The following ZNF536 variants were observed in gnomAD, a reference collection of about 807,000 sequenced individuals.
ZNF536 encodes zinc finger protein 536.
ZNF536 carries 13 observed loss-of-function variants against 84.5 expected under a neutral mutation model. That is an observed-to-expected ratio of 0.15 (90% CI 0.10 to 0.24). The LOEUF (loss-of-function observed/expected upper bound fraction) is 0.24. Ranked by LOEUF, ZNF536 falls within the 10% of genes least tolerant of loss-of-function variation. The probability of loss-of-function intolerance (pLI) is 1.00; values close to 1 mark genes in which losing one functional copy is unlikely to be tolerated. For missense variants in ZNF536, 1,536 were observed against 1,747.5 expected, an observed-to-expected ratio of 0.88 and a Z score of 2.16; for synonymous variants, 811 against 742.5, an observed-to-expected ratio of 1.09 and a Z score of -1.50.
intron 2 of ZNF536, among the ~76,000 whole-genome samples, chr19:30,522,618 A>G (rs1397016622): frequency 1.3e-5 from 2 of 152,130 alleles, no homozygotes; most frequent in African/African-American, 4.8e-5. Context: ...CACACATCCT[A>G]ATAGGCATGC....
chr19:30,502,747 G>A (rs1281500055), intron 2 of ZNF536, among the ~76,000 whole-genome samples: 2 of 152,128 alleles, frequency 1.3e-5, no homozygotes, highest in Non-Finnish European at 2.9e-5. Flanking sequence ...GTGTTGAAGG[G>A]TGTCACACAG....
chr19:30,660,133 A>G (rs148043238), intron 1 of ZNF536, among the ~76,000 whole-genome samples: 219 of 152,298 alleles, frequency 1.4e-3, no homozygotes, highest in Middle Eastern at 0.01. Flanking sequence ...TGGAGAAACA[A>G]TTGTTGTTTT....
At chr19:30,560,396 C>T (rs1372761589), downstream of ZNF536, among the ~76,000 whole-genome samples, 1 of 152,080 alleles carries the variant, frequency 6.6e-6, no homozygotes, top group Non-Finnish European at 1.5e-5. Flanking sequence ...CACCATCCAT[C>T]CCCATGTGGA....
intron 2 of ZNF536, among the ~76,000 whole-genome samples, chr19:30,532,556 C>T (rs1396344859): frequency 6.6e-6 from 1 of 152,190 alleles, no homozygotes; most frequent in Non-Finnish European, 1.5e-5. Flanking sequence ...TTAGGTATCT[C>T]GACTATGTTG....
intron 2 of ZNF536, among the ~76,000 whole-genome samples, chr19:30,458,879 C>T (rs1294352410): frequency 1.3e-5 from 2 of 152,234 alleles, no homozygotes; most frequent in African/African-American, 4.8e-5. Flanking sequence ...CCTCCCATCT[C>T]TCCTGGATGC....
At chr19:30,630,816 T>G (rs1041218529) in intron 1 of ZNF536, among the ~76,000 whole-genome samples, 1 of 152,158 alleles carries the variant, frequency 6.6e-6, no homozygotes, top group African/African-American at 2.4e-5. Flanking sequence ...CTCCCTTTTA[T>G]TGCTCTCCCA....
chr19:30,635,217 A>G (rs968092838), intron 1 of ZNF536, among the ~76,000 whole-genome samples: 1 of 152,212 alleles, frequency 6.6e-6, no homozygotes, highest in African/African-American at 2.4e-5. Flanking sequence ...CCCATCCCAA[A>G]CAACGCTAAG....
At chr19:30,637,597 C>A (rs2049113969) in intron 1 of ZNF536, among the ~76,000 whole-genome samples, 1 of 152,232 alleles carries the variant, frequency 6.6e-6, no homozygotes, top group Non-Finnish European at 1.5e-5. Context: ...TGTGGTCAGA[C>A]TTTTGGAGTT....
intron 3 of ZNF536, among the ~76,000 whole-genome samples, chr19:30,539,126 CA>C (rs1203958444): frequency 2.1e-5 from 3 of 140,466 alleles, no homozygotes; most frequent in African/African-American, 7.9e-5. Context: ...GCACCCCCCC[CA>C]CACACACACA....
intron 2 of ZNF536, among the ~76,000 whole-genome samples, chr19:30,339,573 G>C (rs1568343274): frequency 6.6e-6 from 1 of 152,194 alleles, no homozygotes; most frequent in African/African-American, 2.4e-5. Context: ...GCCCACTGCT[G>C]TGCCAGCCTT....
At chr19:30,339,488 A>G (rs111815025) in intron 2 of ZNF536, among the ~76,000 whole-genome samples, 4,137 of 152,270 alleles carry the variant, frequency 0.027, 190 homozygotes, top group African/African-American at 0.095. Flanking sequence ...GCAAGTGAGC[A>G]AGAGTGGGAC....
chr19:30,467,576 G>A (rs983870598), intron 2 of ZNF536, among the ~76,000 whole-genome samples: 3 of 152,210 alleles, frequency 2.0e-5, no homozygotes, highest in African/African-American at 7.2e-5. Flanking sequence ...ATGACGACAA[G>A]GAGGGTGGAT....
At position 30,607,390 on chromosome 19, in the gene ZNF536, A is replaced by G. The variant is rs112912410; in HGVS notation, c.169+57876A>G. 4.9e-3 allele frequency among the ~76,000 whole-genome samples: 752 copies of G among 152,120 alleles called. 8 individuals are homozygous for G. The highest frequency in any genetic ancestry group is 0.017 in the African/African-American group (698 of 41,486). On this transcript the variant is annotated intron_variant, in intron 1 of 1. Coordinates refer to the ZNF536 transcript ENST00000592773. ...TAATTACGCTCTTCTTTGTTCATCA[A>G]TAGCTTTCTTTCATGTCCCCTCCTT...
In ZNF536 at chr19:30,548,279, G is replaced by T. The variant is rs775309484; in HGVS notation, c.2660G>T (p.Gly887Val). The change falls in exon 4 of 5, where the codon GGC becomes GTC. Residue 887 changes from glycine (G) to valine (V), a missense_variant. By Grantham distance (109) the Gly-to-Val change is moderately radical (BLOSUM62 -3). This residue lies in a region of ZNF536 where 624 missense variants were observed against 603.1 expected (regional missense o/e 1.03). Coordinates refer to ENST00000355537, the MANE Select transcript of ZNF536 (RefSeq NM_014717.3). ...GAGGTCCCCTCAGATGCTCTGAAAG[G>T]CACTGACCTTCCTTCCAAAAGCACC... ...SSEVPSDALK[G>V]TDLPSKSTHF... The T allele has an allele frequency of 1.1e-5, 17 of 1,614,214 alleles. No individual in the cohort carries two copies. The highest frequency in any genetic ancestry group is 1.3e-5 in the African/African-American group (1 of 75,062).
chr19:30,305,584 G>A (rs1184975209), intron 2 of ZNF536, among the ~76,000 whole-genome samples: 2 of 152,192 alleles, frequency 1.3e-5, no homozygotes, highest in Admixed American at 1.3e-4. Context: ...AAGCTGCAGG[G>A]GTGGTTGTTT....
chr19:30,501,612 G>A (rs2054951963), intron 2 of ZNF536, among the ~76,000 whole-genome samples: 1 of 152,224 alleles, frequency 6.6e-6, no homozygotes, highest in Non-Finnish European at 1.5e-5. Flanking sequence ...TAAAGTGTTC[G>A]CAGATCTTGC....
At chr19:30,313,959 A>G (rs2046592741) in intron 2 of ZNF536, among the ~76,000 whole-genome samples, 1 of 152,198 alleles carries the variant, frequency 6.6e-6, no homozygotes, top group South Asian at 2.1e-4. Context: ...AGATGTAAGG[A>G]AGTTCATCAA....
At chr19:30,451,145 T>C (rs1258312913) in intron 2 of ZNF536, among the ~76,000 whole-genome samples, 3 of 152,204 alleles carry the variant, frequency 2.0e-5, no homozygotes, top group Non-Finnish European at 4.4e-5. Flanking sequence ...GCTGGTCAGG[T>C]GGCTCCTGGG....
intron 2 of ZNF536, among the ~76,000 whole-genome samples, chr19:30,513,726 G>A (rs1354204919): frequency 6.6e-6 from 1 of 152,054 alleles, no homozygotes; most frequent in East Asian, 1.9e-4. Flanking sequence ...CCAAATGTGG[G>A]ACTCCAGAAA....
Sources: gnomAD v4.1 joint callset for allele counts (sites outside exome capture counted in the v4.1 genomes callset) on GRCh38, gnomAD v4.1.1 for gene constraint, gnomAD v4.1.1 regional missense constraint, MANE v1.5 for transcripts, NCBI Gene and HGNC (gene_info 2026-07-23, HGNC 2026-07-21) for gene names.